ADGRF5: variants seen among roughly 807,000 people sequenced by gnomAD.
The protein encoded by ADGRF5 is adhesion G protein-coupled receptor F5.
ADGRF5 carries 75 observed loss-of-function variants against 132.3 expected under a neutral mutation model. The observed-to-expected ratio is 0.57, with a 90% CI of 0.47 to 0.69. The LOEUF is 0.69. Among genes scored for constraint, ADGRF5 ranks in the 30% least tolerant of loss-of-function variants. ADGRF5 has a pLI of 0.00. For missense variants in ADGRF5, 1,516 were observed against 1,630.6 expected (o/e 0.93, Z 1.21); for synonymous variants, 629 against 597.6 (o/e 1.05, Z -0.77).
At chr6:46,940,106 C>T (rs1036257937) in intron 1 of ADGRF5, among the ~76,000 whole-genome samples, 2 of 151,998 alleles carry the variant, frequency 1.3e-5, no homozygotes, top group African/African-American at 2.4e-5. Context: ...GCTAAACCAA[C>T]AATACTAATG....
intron 1 of ADGRF5, among the ~76,000 whole-genome samples, chr6:46,919,191 T>C (rs1036878490): frequency 6.6e-6 from 1 of 152,182 alleles, no homozygotes; most frequent in African/African-American, 2.4e-5. Context: ...GCCAATCGCA[T>C]CAATTCTCTA....
chr6:46,913,405 A>T (rs1776140150), intron 1 of ADGRF5, among the ~76,000 whole-genome samples: 1 of 152,106 alleles, frequency 6.6e-6, no homozygotes, highest in Non-Finnish European at 1.5e-5. Context: ...AGGCTGAGGC[A>T]GGAGAATTGC....
At chr6:46,906,852 G>A (rs1415406416) in intron 1 of ADGRF5, 66 bp from the exon 2 acceptor site, 13 of 773,206 alleles carry the variant, frequency 1.7e-5, no homozygotes, top group African/African-American at 6.9e-5. Flanking sequence ...AAAAGAACTC[G>A]CAAGCCCTGT....
Position 46,853,815 on chromosome 6 carries a change from A to G in ADGRF5, c.*177T>C. ...GGGGGAGGGAACAAACAGAAACATA[A>G]CAATTATTTTTATTCTGTCTTTACA... On this transcript the variant is annotated 3_prime_UTR_variant, in exon 21 of 21. Transcript: ENST00000283296. The G allele has an allele frequency of 2.0e-6, 1 of 511,904 alleles. No individual in the cohort carries two copies. Among genetic ancestry groups the G allele is most frequent in the South Asian group, 2.2e-5 (1 of 44,754 alleles). The allele number at this position is 511,904 out of a possible 1,614,324, so 31.7% of individuals were successfully genotyped here. A position where few individuals can be genotyped will look rare whatever the true frequency, so the allele number is the denominator to read the frequency against.
intron 15 of ADGRF5, among the ~76,000 whole-genome samples, chr6:46,861,287 CCCTT>C (rs1274145183): frequency 1.3e-5 from 2 of 152,178 alleles, no homozygotes; most frequent in Non-Finnish European, 2.9e-5. Context: ...AAGTGACTGA[CCCTT>C]CCAATTTTCC....
chr6:46,854,938 G>A (rs1420318453), intron 20 of ADGRF5, among the ~76,000 whole-genome samples: 1 of 152,160 alleles, frequency 6.6e-6, no homozygotes, highest in Non-Finnish European at 1.5e-5. Context: ...ACAGTTATAG[G>A]AATTCACAAA....
rs1281080971 is a variant in ADGRF5 at position 46,862,918 on chromosome 6, G to C, written c.2169C>G (p.Ala723=). 3.1e-6 allele frequency: 5 copies of C among 1,612,068 alleles called. No homozygotes were observed. In the Admixed American group the frequency reaches 5.0e-5, roughly 16 times the overall value. Reference sequence around the variant, plus strand: ...CCATCTGGAGCAGACTGTTTATTGGGGCAGAGATGCAGTCATTTCTCTTCT... The same window carrying C: ...CCATCTGGAGCAGACTGTTTATTGGCGCAGAGATGCAGTCATTTCTCTTCT... ...WEEKRNDCIS[A]PINSLLQMAK... is the part of the protein sequence containing the mutation. Residue 723 remains alanine, a synonymous_variant, in exon 15 of 21, where the codon GCC becomes GCG. Coordinates refer to ENST00000283296, the MANE Select transcript of ADGRF5 (RefSeq NM_001098518.2).
chr6:46,867,591 C>T (rs1253686811), intron 12 of ADGRF5, among the ~76,000 whole-genome samples: 1 of 152,132 alleles, frequency 6.6e-6, no homozygotes. Context: ...CAGGCCCTTG[C>T]TCATCATGGC....
At chr6:46,883,767 A>G in intron 5 of ADGRF5, 102 bp from the exon 6 acceptor site, 2 of 671,470 alleles carry the variant, frequency 3.0e-6, no homozygotes, top group Non-Finnish European at 5.0e-6. Flanking sequence ...TTTCAGATGG[A>G]GTCTCCCTCT....
At chr6:46,876,832 C>G (rs564644603) in intron 10 of ADGRF5, among the ~76,000 whole-genome samples, 1 of 152,126 alleles carries the variant, frequency 6.6e-6, no homozygotes, top group Non-Finnish European at 1.5e-5. Context: ...CTCCAATGCT[C>G]AACCTCAGAT....
rs371067101 is a variant in ADGRF5 at position 46,854,230 on chromosome 6, G to A, written c.3962-159C>T. ...ATACCTGCCCTCCTCCCAAGACCCA[G>A]AAATGCCAGAAAACTAACAGAGCTG... On this transcript the variant is annotated intron_variant, in intron 20 of 20. Coordinates refer to ENST00000283296, the MANE Select transcript of ADGRF5 (RefSeq NM_001098518.2). Among the ~76,000 whole-genome samples the A allele has an allele frequency of 7.7e-4, 117 of 152,316 alleles. 1 individual carries two copies. The South Asian group carries it at 0.018, about 24-fold the overall frequency.
chr6:46,945,062 A>T (rs1297074745), intron 1 of ADGRF5, among the ~76,000 whole-genome samples: 1 of 152,212 alleles, frequency 6.6e-6, no homozygotes, highest in Non-Finnish European at 1.5e-5. Context: ...CAGTGAAGTG[A>T]CGATCTTGAA....
intron 12 of ADGRF5, among the ~76,000 whole-genome samples, chr6:46,868,312 G>A (rs1770677735): frequency 6.6e-6 from 1 of 152,102 alleles, no homozygotes. Context: ...TATCCTCTAG[G>A]TTTATTGTTT....
chr6:46,938,876 AT>A (rs34685701), intron 1 of ADGRF5, among the ~76,000 whole-genome samples: 9,087 of 147,454 alleles, frequency 0.062, 630 homozygotes, highest in African/African-American at 0.17. Flanking sequence ...TACTTTTCTG[AT>A]TTTTTTTTTT....
chr6:46,855,023 A>T (rs541164396), intron 20 of ADGRF5, among the ~76,000 whole-genome samples: 1 of 152,332 alleles, frequency 6.6e-6, no homozygotes, highest in East Asian at 1.9e-4. Context: ...AGATCTGTTC[A>T]GTTCCAAAAA....
At chr6:46,926,066 C>T (rs78650740), upstream of ADGRF5, among the ~76,000 whole-genome samples, 915 of 152,230 alleles carry the variant, frequency 6.0e-3, 14 homozygotes, top group African/African-American at 0.021. Context: ...GGCAAATAAT[C>T]GGGCAGTTTC....
intron 1 of ADGRF5, among the ~76,000 whole-genome samples, chr6:46,945,189 C>T (rs1778256997): frequency 6.6e-6 from 1 of 152,142 alleles, no homozygotes; most frequent in African/African-American, 2.4e-5. Context: ...ATGTGAAGTC[C>T]AAGTGTCATT....
upstream of ADGRF5, among the ~76,000 whole-genome samples, chr6:46,925,949 C>T (rs6919588): frequency 0.68 from 102,715 of 151,934 alleles, 35,164 homozygotes; most frequent in Non-Finnish European, 0.74. Flanking sequence ...CATAACCAGA[C>T]GTTGGTAACC....
intron 10 of ADGRF5, among the ~76,000 whole-genome samples, chr6:46,877,896 C>G (rs967143707): frequency 6.6e-6 from 1 of 152,290 alleles, no homozygotes; most frequent in South Asian, 2.1e-4. Flanking sequence ...TGAGCACAAG[C>G]TTTTCTTGTC....
Sources: allele counts gnomAD v4.1 joint callset (sites outside exome capture counted in the v4.1 genomes callset), GRCh38; gene constraint gnomAD v4.1.1; transcripts MANE v1.5; gene names NCBI Gene and HGNC (gene_info 2026-07-23, HGNC 2026-07-21).